PTPRB: variants seen among roughly 807,000 people sequenced by gnomAD.
PTPRB encodes receptor-type tyrosine-protein phosphatase beta.
PTPRB carries 97 observed loss-of-function variants against 238.1 expected under a neutral mutation model. The observed-to-expected ratio is 0.41, with a 90% confidence interval of 0.35 to 0.48. PTPRB has a LOEUF of 0.48. Among genes scored for constraint, PTPRB ranks in the 20% least tolerant of loss-of-function variants. PTPRB has a pLI of 0.30. For missense variants in PTPRB, 2,292 were observed against 2,681.9 expected (o/e 0.85, Z 3.21); for synonymous variants, 970 against 995.4 (o/e 0.97, Z 0.48).
Position 70,534,938 on chromosome 12 carries a change from G to A in PTPRB, c.6099C>T (p.Tyr2033=), listed in dbSNP as rs1370760426. 4 of 1,613,616 alleles carry A rather than the reference G, an allele frequency of 2.5e-6. No homozygotes were observed. Among genetic ancestry groups the A allele is most frequent in the East Asian group, 4.5e-5 (2 of 44,870 alleles). Residue 2033 remains tyrosine (Y), a synonymous_variant, in exon 30 of 34, where the codon TAC becomes TAT. Coordinates refer to ENST00000334414, the MANE Select transcript of PTPRB (RefSeq NM_001109754.4). The part of the protein sequence containing the change: ...VEKGRVKCDH[Y]WPADQDSLYY... ...AGAGGGAATCCTGGTCCGCTGGCCA[G>A]TAATGATCACACTTTACCTAGAACA... is the stretch of plus-strand genomic sequence containing the variant.
At chr12:70,569,063 A>G (rs772858684) in intron 14 of PTPRB, among the ~76,000 whole-genome samples, 1 of 152,222 alleles carries the variant, frequency 6.6e-6, no homozygotes, top group South Asian at 2.1e-4. Context: ...TGAAAAATGC[A>G]TAATTATGGA....
intron 4 of PTPRB, among the ~76,000 whole-genome samples, chr12:70,603,141 T>C (rs2136514531): frequency 1.3e-5 from 2 of 152,224 alleles, no homozygotes; most frequent in South Asian, 2.1e-4. Flanking sequence ...GTCAGACTAA[T>C]AGAGAAATAT....
intron 11 of PTPRB, among the ~76,000 whole-genome samples, chr12:70,572,335 G>A (rs1398313794): frequency 6.6e-6 from 1 of 152,140 alleles, no homozygotes; most frequent in Non-Finnish European, 1.5e-5. Flanking sequence ...TGCACAAAGT[G>A]TCATGTATAA....
chr12:70,532,443 T>TAATA (rs1873423421), intron 31 of PTPRB, among the ~76,000 whole-genome samples: 1 of 152,108 alleles, frequency 6.6e-6, no homozygotes, highest in African/African-American at 2.4e-5. Context: ...CGCATGTTTT[T>TAATA]AATACTTTTC....
At chr12:70,549,465 A>G (rs951217383) in intron 21 of PTPRB, among the ~76,000 whole-genome samples, 4 of 152,212 alleles carry the variant, frequency 2.6e-5, no homozygotes, top group Non-Finnish European at 5.9e-5. Context: ...GGAATAAAAC[A>G]TATGAATCAT....
rs577706337 is a variant in PTPRB at position 70,519,582 on chromosome 12, T to G, written c.*1907A>C. On this transcript the variant is annotated 3_prime_UTR_variant, in exon 34 of 34. Transcript: ENST00000334414. The stretch of plus-strand genomic sequence containing the variant: ...TGTATCCTTCCAAGCATTAATGTGC[T>G]TTGCATCAAGCAACATTAGTGTAAA... 2 of 152,374 alleles carry G rather than the reference T, an allele frequency of 1.3e-5. No individual in the cohort carries two copies. The highest frequency in any genetic ancestry group is 3.9e-4 in the East Asian group (2 of 5,182). The allele number at this position is 152,374 out of a possible 1,614,324, so 9.4% of individuals were successfully genotyped here.
At chr12:70,536,935 G>A (rs190414417) in intron 28 of PTPRB, among the ~76,000 whole-genome samples, 93 of 152,212 alleles carry the variant, frequency 6.1e-4, no homozygotes, top group Non-Finnish European at 8.1e-4. Context: ...CTAGCCTCTC[G>A]CTACTGAGTG....
chr12:70,534,106 T>C (rs972399507), intron 31 of PTPRB, among the ~76,000 whole-genome samples: 4 of 152,178 alleles, frequency 2.6e-5, no homozygotes, highest in Admixed American at 6.5e-5. Flanking sequence ...AATAAGCTTG[T>C]GTGCTCACTT....
chr12:70,541,365 GCT>G (rs1875082007), intron 22 of PTPRB: 2 of 157,460 alleles, frequency 1.3e-5, no homozygotes, highest in African/African-American at 4.8e-5. Flanking sequence ...ATTGCTTGGA[GCT>G]ATTCTAAGAA....
Position 70,571,201 on chromosome 12 carries a change from G to A in PTPRB, c.3195C>T (p.Asp1065=). The change falls in exon 13 of 34, where the codon GAC becomes GAT. Residue 1065 remains aspartate, a synonymous_variant. Transcript: ENST00000334414. ...VTWSGANGDV[D]QYEIQLLFND... Reference sequence around the variant, plus strand: ...TGAAGAGCAGCTGGATCTCATATTGGTCGACATCCCCATTAGCTCCTGACC... The same window carrying A: ...TGAAGAGCAGCTGGATCTCATATTGATCGACATCCCCATTAGCTCCTGACC... 1 of 1,613,890 alleles carries A rather than the reference G, an allele frequency of 6.2e-7. No homozygotes were observed.
At position 70,569,753 on chromosome 12, in the gene PTPRB, C is replaced by T. The variant is rs768443424; in HGVS notation, c.3556G>A (p.Ala1186Thr). Residue 1186 changes from alanine to threonine, a missense_variant, in exon 14 of 34, where the codon GCC becomes ACC. Transcript: ENST00000334414. ...ATCATGATCTGGTACTGCTCCCCGG[C>T]CTCCAGTCTGTGGAACGTGTGCTCA... ...VFEHTFHRLE[A>T]GEQYQIMIAS... 2 of 1,613,910 alleles carry T rather than the reference C, an allele frequency of 1.2e-6. No homozygotes were observed. Among genetic ancestry groups the T allele is most frequent in the Non-Finnish European group, 1.7e-6 (2 of 1,179,864 alleles).
chr12:70,573,679 G>A (rs1337634527), intron 11 of PTPRB, among the ~76,000 whole-genome samples: 1 of 151,538 alleles, frequency 6.6e-6, no homozygotes, highest in Non-Finnish European at 1.5e-5. Context: ...CTAATTTTTT[G>A]TATTTTTAGT....
At chr12:70,548,098 A>C (rs1315755485) in intron 21 of PTPRB, among the ~76,000 whole-genome samples, 1 of 152,152 alleles carries the variant, frequency 6.6e-6, no homozygotes, top group East Asian at 1.9e-4. Context: ...AGGCCAAGGC[A>C]GGCAGATCAC....
chr12:70,603,182 G>A (rs375208418), intron 4 of PTPRB, among the ~76,000 whole-genome samples: 1 of 152,094 alleles, frequency 6.6e-6, no homozygotes, highest in Non-Finnish European at 1.5e-5. Context: ...ACCAATTTCA[G>A]AGAACTGGGC....
chr12:70,616,038 T>C (rs1279916038), intron 3 of PTPRB, among the ~76,000 whole-genome samples: 1 of 152,174 alleles, frequency 6.6e-6, no homozygotes. Flanking sequence ...GCTTGTTTTC[T>C]CTCTAGATCC....
chr12:70,524,444 G>C, intron 33 of PTPRB, 27 bp downstream of exon 33: 1 of 1,571,168 alleles, frequency 6.4e-7, no homozygotes, highest in Non-Finnish European at 8.6e-7. Context: ...GAAGAAACTT[G>C]GGGAAGTAAG....
At chr12:70,523,805 TCTC>T (rs1312211367) in intron 33 of PTPRB, among the ~76,000 whole-genome samples, 1 of 151,910 alleles carries the variant, frequency 6.6e-6, no homozygotes, top group Non-Finnish European at 1.5e-5. Flanking sequence ...TCCCCTCCCC[TCTC>T]CTCTTCTTTT....
rs774241894 is a variant in PTPRB at position 70,566,437 on chromosome 12, G to A, written c.3902C>T (p.Thr1301Ile). Residue 1301 changes from threonine (T) to isoleucine (I), a missense_variant and splice_region_variant, in exon 15 of 34, where the codon ACA becomes ATA. Physicochemically the swap from Thr to Ile is moderately conservative, Grantham distance 89. Around this residue, in one of 4 missense-constraint regions of PTPRB, gnomAD observed 683 missense variants for 862.0 expected, o/e 0.79. Coordinates refer to ENST00000334414, the MANE Select transcript of PTPRB (RefSeq NM_001109754.4). ...AAACATTATGCTGTGCTAATTACCT[G>A]TTCGGCCTTCAGTCTGGGCTTCCTT... ...FSKEAQTEGR[T>I]VPAAVTDLRI... 17 of 1,613,468 alleles carry A rather than the reference G, an allele frequency of 1.1e-5. No homozygotes were observed. The highest frequency in any genetic ancestry group is 1.4e-5 in the Non-Finnish European group (16 of 1,179,706).
chr12:70,536,934 C>T (rs184336897), intron 28 of PTPRB, among the ~76,000 whole-genome samples: 2 of 152,312 alleles, frequency 1.3e-5, no homozygotes, highest in Admixed American at 6.5e-5. Flanking sequence ...TCTAGCCTCT[C>T]GCTACTGAGT....
Sources: gnomAD v4.1 joint callset for allele counts (sites outside exome capture counted in the v4.1 genomes callset) on GRCh38, gnomAD v4.1.1 for gene constraint, gnomAD v4.1.1 regional missense constraint, MANE v1.5 for transcripts, NCBI Gene and HGNC (gene_info 2026-07-23, HGNC 2026-07-21) for gene names.